The following KHDRBS2 variants were observed in gnomAD, a reference collection of about 807,000 sequenced individuals.
KHDRBS2 encodes KH RNA binding domain containing, signal transduction associated 2, also known as KH domain-containing, RNA-binding, signal transduction-associated protein 2.
KHDRBS2 carries 26 observed loss-of-function variants against 44.3 expected under a neutral mutation model. That is an observed-to-expected ratio of 0.59 (90% confidence interval 0.43 to 0.81). The LOEUF (loss-of-function observed/expected upper bound fraction) is 0.81, where lower values mean the gene tolerates loss of function less well. Among genes scored for constraint, KHDRBS2 ranks in the 40% least tolerant of loss-of-function variants. KHDRBS2 has a pLI of 0.00. For synonymous variants in KHDRBS2, 194 were observed against 151.1 expected, an observed-to-expected ratio of 1.28 and a Z score of -2.08; for missense variants, 476 against 433.1, an observed-to-expected ratio of 1.10 and a Z score of -0.88.
chr6:61,615,048 A>G, the KHDRBS2 span, among the ~76,000 whole-genome samples: 2 of 151,932 alleles, frequency 1.3e-5, no homozygotes, highest in African/African-American at 4.8e-5. Flanking sequence ...AGCCTGGCCA[A>G]CAGGTTGAAA....
the KHDRBS2 span, among the ~76,000 whole-genome samples, chr6:61,637,485 A>G: frequency 3.3e-5 from 5 of 152,182 alleles, no homozygotes; most frequent in African/African-American, 1.2e-4. Flanking sequence ...ATTATGCCAC[A>G]ATAAACATAT....
At chr6:61,866,449 C>A (rs749718067) in intron 6 of KHDRBS2, among the ~76,000 whole-genome samples, 60 of 152,206 alleles carry the variant, frequency 3.9e-4, no homozygotes, top group Non-Finnish European at 7.2e-4. Context: ...CTGCACACAA[C>A]ATGGGGACAC....
the KHDRBS2 span, among the ~76,000 whole-genome samples, chr6:61,594,858 A>G: frequency 1.3e-5 from 2 of 152,138 alleles, no homozygotes; most frequent in African/African-American, 4.8e-5. Flanking sequence ...AAATATGTCA[A>G]AGGCTTAAAA....
At chr6:61,663,209 C>T in the KHDRBS2 span, among the ~76,000 whole-genome samples, 128 of 119,868 alleles carry the variant, frequency 1.1e-3, no homozygotes, top group African/African-American at 4.1e-3. Flanking sequence ...AGGAGAACAC[C>T]TGGACACAGG....
At chr6:62,251,136 A>G (rs1484472391) in intron 1 of KHDRBS2, among the ~76,000 whole-genome samples, 1 of 151,966 alleles carries the variant, frequency 6.6e-6, no homozygotes, top group African/African-American at 2.4e-5. Context: ...CATGATGTAT[A>G]TAACTTATAA....
At chr6:62,102,092 T>C (rs956801301) in intron 2 of KHDRBS2, among the ~76,000 whole-genome samples, 2 of 152,206 alleles carry the variant, frequency 1.3e-5, no homozygotes, top group African/African-American at 4.8e-5. Context: ...ATTTTTTCTA[T>C]GTTTATTTTT....
At chr6:62,197,508 A>C (rs1825946707) in intron 1 of KHDRBS2, among the ~76,000 whole-genome samples, 1 of 152,170 alleles carries the variant, frequency 6.6e-6, no homozygotes, top group South Asian at 2.1e-4. Flanking sequence ...CGTTCTTATA[A>C]GACATGCTAT....
chr6:61,692,567 A>G (rs968455572), intron 8 of KHDRBS2, among the ~76,000 whole-genome samples: 1 of 152,100 alleles, frequency 6.6e-6, no homozygotes, highest in South Asian at 2.1e-4. Flanking sequence ...CAATATATTT[A>G]TTATTTCAGT....
chr6:61,838,405 G>A (rs1299048342), intron 6 of KHDRBS2, among the ~76,000 whole-genome samples: 5 of 151,740 alleles, frequency 3.3e-5, no homozygotes, highest in Admixed American at 6.6e-5. Flanking sequence ...TGAAGAACAC[G>A]CTAATGTTTA....
At chr6:61,985,158 C>A (rs1332233642) in intron 3 of KHDRBS2, among the ~76,000 whole-genome samples, 3 of 152,136 alleles carry the variant, frequency 2.0e-5, no homozygotes, top group African/African-American at 4.8e-5. Flanking sequence ...ATAATGCTTA[C>A]TCTTTTTTGC....
At chr6:62,052,325 A>C (rs1464829633) in intron 2 of KHDRBS2, among the ~76,000 whole-genome samples, 1 of 151,922 alleles carries the variant, frequency 6.6e-6, no homozygotes, top group Admixed American at 6.6e-5. Flanking sequence ...TTTTTGCCAC[A>C]ATGTGGAGGA....
At chr6:61,731,559 A>G (rs536961157) in intron 7 of KHDRBS2, among the ~76,000 whole-genome samples, 1 of 152,242 alleles carries the variant, frequency 6.6e-6, no homozygotes, top group South Asian at 2.1e-4. Context: ...CAATACATGT[A>G]GATTTATTCT....
chr6:61,621,416 A>T, the KHDRBS2 span, among the ~76,000 whole-genome samples: 6 of 152,206 alleles, frequency 3.9e-5, no homozygotes, highest in African/African-American at 7.2e-5. Flanking sequence ...ATGAAACCAG[A>T]GGACTTTTTG....
intron 1 of KHDRBS2, among the ~76,000 whole-genome samples, chr6:62,243,373 A>G (rs1293755078): frequency 6.6e-6 from 1 of 152,134 alleles, no homozygotes; most frequent in African/African-American, 2.4e-5. Context: ...CAAATTTACA[A>G]TGCAAGTATT....
chr6:62,045,918 G>T (rs1562715448), intron 3 of KHDRBS2, among the ~76,000 whole-genome samples: 1 of 129,106 alleles, frequency 7.7e-6, no homozygotes, highest in Non-Finnish European at 1.6e-5. Flanking sequence ...AGAAAGTTAA[G>T]ACCTTATCAT....
chr6:62,076,616 G>A (rs1227220474), intron 2 of KHDRBS2, among the ~76,000 whole-genome samples: 1 of 152,000 alleles, frequency 6.6e-6, no homozygotes, highest in East Asian at 1.9e-4. Flanking sequence ...CAGATTAAAG[G>A]GTCTTGATGT....
intron 6 of KHDRBS2, among the ~76,000 whole-genome samples, chr6:61,733,005 T>C (rs1179104326): frequency 6.6e-6 from 1 of 152,176 alleles, no homozygotes; most frequent in Non-Finnish European, 1.5e-5. Context: ...ACTCTAAGAC[T>C]TATTTAGAAT....
chr6:61,971,985 T>C (rs562424241), intron 4 of KHDRBS2, among the ~76,000 whole-genome samples: 1 of 152,176 alleles, frequency 6.6e-6, no homozygotes, highest in Admixed American at 6.6e-5. Context: ...CCAGAAATAT[T>C]TGTTGTGTTA....
intron 6 of KHDRBS2, among the ~76,000 whole-genome samples, chr6:61,796,042 C>A (rs1371901520): frequency 2.0e-5 from 3 of 151,864 alleles, no homozygotes; most frequent in East Asian, 3.9e-4. Flanking sequence ...TAATCTGACC[C>A]CAATCAATTG....
Sources: allele counts gnomAD v4.1 joint callset (sites outside exome capture counted in the v4.1 genomes callset), GRCh38; gene constraint gnomAD v4.1.1; transcripts MANE v1.5; gene names NCBI Gene and HGNC (gene_info 2026-07-23, HGNC 2026-07-21).